RAB11FIP2: variants seen among roughly 807,000 people sequenced by gnomAD.
The protein encoded by RAB11FIP2 is RAB11 family interacting protein 2, also known as rab11 family-interacting protein 2.
Under a neutral mutation model 40.9 loss-of-function variants are expected in RAB11FIP2, and 16 were observed. That is an observed-to-expected ratio of 0.39 (90% CI 0.26 to 0.59). RAB11FIP2 has a LOEUF of 0.59. RAB11FIP2 is among the 20% of genes least tolerant of loss of function. RAB11FIP2 has a pLI of 0.53. For synonymous variants in RAB11FIP2, 228 were observed against 213.7 expected, an observed-to-expected ratio of 1.07 and a Z score of -0.58; for missense variants, 532 against 606.2, an observed-to-expected ratio of 0.88 and a Z score of 1.28.
intron 3 of RAB11FIP2, chr10:118,033,987 T>C (rs1846449559): frequency 1.4e-6 from 1 of 702,074 alleles, no homozygotes; most frequent in East Asian, 2.7e-5. Flanking sequence ...CTTACAGCTC[T>C]GCCCATCTCA....
At chr10:118,025,177 G>A (rs2133171399) in intron 3 of RAB11FIP2, among the ~76,000 whole-genome samples, 1 of 152,264 alleles carries the variant, frequency 6.6e-6, no homozygotes, top group South Asian at 2.1e-4. Context: ...ATATTGTTTT[G>A]TGTAAAATAA....
intron 3 of RAB11FIP2, among the ~76,000 whole-genome samples, chr10:118,026,749 C>G (rs1846348416): frequency 6.6e-6 from 1 of 152,190 alleles, no homozygotes; most frequent in Admixed American, 6.5e-5. Context: ...GAAAGAATTT[C>G]TGAACATAAG....
At chr10:118,042,752 T>C (rs1038377210) in intron 1 of RAB11FIP2, among the ~76,000 whole-genome samples, 9 of 152,156 alleles carry the variant, frequency 5.9e-5, no homozygotes, top group Non-Finnish European at 1.3e-4. Flanking sequence ...TAGGAAACTG[T>C]AAAGACCTAT....
chr10:118,008,814 G>A lies in RAB11FIP2; in HGVS notation c.*184C>T. 1.7e-6 allele frequency: 1 copy of A among 592,252 alleles called. No individual in the cohort carries two copies. Among genetic ancestry groups the A allele is most frequent in the Non-Finnish European group, 3.0e-6 (1 of 335,630 alleles). The allele number at this position is 592,252 out of a possible 1,614,324, so 36.7% of individuals were successfully genotyped here. A position where few individuals can be genotyped will look rare whatever the true frequency, so the allele number is the denominator to read the frequency against. ...TCAATTTAAACATTTAAATGATTTA[G>A]CTTGCTTCAAAGGTCACTCTTGATA... On this transcript the variant is annotated 3_prime_UTR_variant, in exon 5 of 5. Coordinates refer to ENST00000355624, the MANE Select transcript of RAB11FIP2 (RefSeq NM_014904.3).
At chr10:118,037,285 G>C (rs1379433148) in intron 3 of RAB11FIP2, among the ~76,000 whole-genome samples, 1 of 151,950 alleles carries the variant, frequency 6.6e-6, no homozygotes, top group Non-Finnish European at 1.5e-5. Context: ...TCTGGAGTAT[G>C]GTTTATAAAC....
intron 3 of RAB11FIP2, among the ~76,000 whole-genome samples, chr10:118,032,877 G>A (rs766589006): frequency 2.1e-4 from 32 of 151,994 alleles, no homozygotes; most frequent in Non-Finnish European, 4.0e-4. Flanking sequence ...TTACTTAGTA[G>A]CCATCTCGGC....
Position 118,046,221 on chromosome 10 carries a change from G to C in RAB11FIP2, c.-58C>G. The C allele has an allele frequency of 6.9e-7, 1 of 1,443,194 alleles. No homozygotes were observed. Among genetic ancestry groups the C allele is most frequent in the Non-Finnish European group, 9.6e-7 (1 of 1,041,054 alleles). 89.4% of individuals were successfully genotyped at this position (1,443,194 alleles called of 1,614,324 possible). On this transcript the variant is annotated 5_prime_UTR_variant, in exon 1 of 5. Transcript: ENST00000355624. ...GCACAGGCAGTGCCCCTCCCGGAGG[G>C]AGAGCCTAATTCCTTAATCACTGCA...
At chr10:118,023,887 A>G (rs1402918442) in intron 3 of RAB11FIP2, among the ~76,000 whole-genome samples, 1 of 152,000 alleles carries the variant, frequency 6.6e-6, no homozygotes, top group Non-Finnish European at 1.5e-5. Context: ...TCAGGAGTTC[A>G]AGACCAGCCT....
chr10:118,040,641 C>T, intron 1 of RAB11FIP2, 76 bp from the exon 2 acceptor site: 1 of 1,077,868 alleles, frequency 9.3e-7, no homozygotes, highest in Non-Finnish European at 1.3e-6. Context: ...ATACAAATAG[C>T]CTTTTAGGTA....
In RAB11FIP2 at chr10:118,008,905, A is replaced by G; in HGVS notation, c.*93T>C. 1 of 992,064 alleles carries G rather than the reference A, an allele frequency of 1.0e-6. No homozygotes were observed. Among genetic ancestry groups the G allele is most frequent in the South Asian group, 1.6e-5 (1 of 64,112 alleles). The allele number at this position is 992,064 out of a possible 1,614,324, so 61.5% of individuals were successfully genotyped here. A position where few individuals can be genotyped will look rare whatever the true frequency, so the allele number is the denominator to read the frequency against. On this transcript the variant is annotated 3_prime_UTR_variant, in exon 5 of 5. Coordinates refer to ENST00000355624, the MANE Select transcript of RAB11FIP2 (RefSeq NM_014904.3). Reference sequence around the variant, plus strand: ...AAAGGAGAATATGTAATGAAACCTGATAGTGTAGTCTCTTTCAGTAACAAG... The same window carrying G: ...AAAGGAGAATATGTAATGAAACCTGGTAGTGTAGTCTCTTTCAGTAACAAG...
intron 4 of RAB11FIP2, among the ~76,000 whole-genome samples, chr10:118,009,584 G>T (rs2133159944): frequency 6.6e-6 from 1 of 152,182 alleles, no homozygotes; most frequent in African/African-American, 2.4e-5. Context: ...TAACTCAGAG[G>T]AACTGTAAGA....
rs144216696 is a variant in RAB11FIP2 at position 118,046,269 on chromosome 10, C to G, written c.-106G>C. The G allele has an allele frequency of 4.1e-6, 4 of 983,884 alleles. No homozygotes were observed. The highest frequency in any genetic ancestry group is 3.2e-5 in the African/African-American group (2 of 61,642). The allele number at this position is 983,884 out of a possible 1,614,324, so 60.9% of individuals were successfully genotyped here. ...GCATCCTAAGGACACTTAACGGAAA[C>G]AGGCAGGCTCAGGGCTCCCCGACTT... On this transcript the variant is annotated 5_prime_UTR_variant, in exon 1 of 5. Coordinates refer to ENST00000355624, the MANE Select transcript of RAB11FIP2 (RefSeq NM_014904.3).
At position 118,007,627 on chromosome 10, in the gene RAB11FIP2, T is replaced by C. The variant is rs1408775683; in HGVS notation, c.*1371A>G. On this transcript the variant is annotated 3_prime_UTR_variant, in exon 5 of 5. Transcript: ENST00000355624. ...AGACATAGATACTCTCAGTGTTTTA[T>C]AGTATTTCAGACTTTAAAGGCTGAA... 1.3e-5 allele frequency: 2 copies of C among 152,076 alleles called. No homozygotes were observed. The highest frequency in any genetic ancestry group is 1.9e-4 in the East Asian group (1 of 5,196). 9.4% of individuals were successfully genotyped at this position (152,076 alleles called of 1,614,324 possible).
intron 1 of RAB11FIP2, among the ~76,000 whole-genome samples, chr10:118,042,478 C>G (rs1846572959): frequency 1.3e-5 from 2 of 152,044 alleles, no homozygotes; most frequent in Non-Finnish European, 2.9e-5. Context: ...AAAATAGAAG[C>G]TCTTTCTTAT....
intron 1 of RAB11FIP2, among the ~76,000 whole-genome samples, chr10:118,042,635 C>T (rs1564695856): frequency 6.6e-6 from 1 of 152,094 alleles, no homozygotes; most frequent in Non-Finnish European, 1.5e-5. Context: ...AGGCAGTCTG[C>T]CTTGCATTAA....
At chr10:118,023,602 G>A (rs1375948761) in intron 3 of RAB11FIP2, among the ~76,000 whole-genome samples, 1 of 152,048 alleles carries the variant, frequency 6.6e-6, no homozygotes, top group African/African-American at 2.4e-5. Context: ...AGCTCTCAGA[G>A]GCAAGACAAT....
intron 3 of RAB11FIP2, 57 bp downstream of exon 3, chr10:118,038,915 A>G (rs1846515116): frequency 1.8e-6 from 2 of 1,122,138 alleles, no homozygotes; most frequent in Admixed American, 2.6e-5. Context: ...GAAATATTTG[A>G]TACCTTCAAG....
chr10:118,018,095 A>C (rs904189557), intron 3 of RAB11FIP2: 1 of 152,116 alleles, frequency 6.6e-6, no homozygotes, highest in Non-Finnish European at 1.5e-5. Flanking sequence ...TCTGAGTGAG[A>C]GGCTCTTGTA....
chr10:118,018,629 G>A (rs1300854808), intron 3 of RAB11FIP2, among the ~76,000 whole-genome samples: 1 of 152,118 alleles, frequency 6.6e-6, no homozygotes, highest in Non-Finnish European at 1.5e-5. Flanking sequence ...ATTTTCCCCA[G>A]TAAACTGTAA....
Sources: gnomAD v4.1 joint callset for allele counts (sites outside exome capture counted in the v4.1 genomes callset) on GRCh38, gnomAD v4.1.1 for gene constraint, MANE v1.5 for transcripts, NCBI Gene and HGNC (gene_info 2026-07-23, HGNC 2026-07-21) for gene names.